Variants in AGBL5 observed in about 807,000 individuals in gnomAD.
AGBL5 encodes cytosolic carboxypeptidase-like protein 5.
In AGBL5, 51 loss-of-function variants were observed where a neutral mutation model predicts 88.0. The ratio of observed to expected loss-of-function variants is 0.58; its 90% CI spans 0.46 to 0.73. The LOEUF is 0.73. AGBL5 is among the 30% of genes least tolerant of loss of function. The pLI is 0.00. For synonymous variants in AGBL5, 446 were observed against 438.8 expected (o/e 1.02, Z -0.21); for missense variants, 1,031 against 1,162.2 (o/e 0.89, Z 1.64).
At position 27,058,217 on chromosome 2, in the gene AGBL5, G is replaced by A. The variant is rs142711767; in HGVS notation, c.1672-183G>A. Among the ~76,000 whole-genome samples, 208 of 152,346 alleles carry A rather than the reference G, an allele frequency of 1.4e-3. 2 individuals carry two copies. The highest frequency in any genetic ancestry group is 0.011 in the Admixed American group (167 of 15,306). Reference sequence around the variant, plus strand: ...ATGGAAGAGGGCCCCCAAATTGGCGGTAGTTTAGGGAACAGCTCCAAATCC... The same window carrying A: ...ATGGAAGAGGGCCCCCAAATTGGCGATAGTTTAGGGAACAGCTCCAAATCC... On this transcript the variant is annotated intron_variant, in intron 9 of 14. Transcript: ENST00000360131.
At position 27,054,024 on chromosome 2, in the gene AGBL5, C is replaced by G. The variant is rs780288772; in HGVS notation, c.516C>G (p.Asp172Glu). The G allele has an allele frequency of 6.2e-7, 1 of 1,614,024 alleles. No homozygotes were observed. The highest frequency in any genetic ancestry group is 8.5e-7 in the Non-Finnish European group (1 of 1,179,950). ...GCCAGGAACTGCTAAACCAGCTAGACCAGCGCTTTCCGGAGAACCACCCTA... is the reference window on the plus strand; with the variant it reads ...GCCAGGAACTGCTAAACCAGCTAGAGCAGCGCTTTCCGGAGAACCACCCTA... ...SDCQELLNQLDQRFPENHPTH... is the reference protein window; with the variant it reads ...SDCQELLNQLEQRFPENHPTH... The change falls in exon 4 of 15, where the codon GAC becomes GAG. Residue 172 changes from aspartate (D) to glutamate (E), a missense_variant. By Grantham distance (45) the Asp-to-Glu change is conservative. Around this residue, in one of 2 missense-constraint regions of AGBL5, gnomAD observed 540 missense variants for 678.2 expected, o/e 0.80. Transcript: ENST00000360131.
chr2:27,054,571 G>A (rs1668333036), intron 4 of AGBL5, 59 bp from the exon 5 acceptor site: 4 of 1,532,510 alleles, frequency 2.6e-6, no homozygotes, highest in Non-Finnish European at 3.6e-6. Context: ...TGGTGACAAG[G>A]CCTACCTCTT....
At chr2:27,066,735 A>G (rs1358693498) in intron 11 of AGBL5, among the ~76,000 whole-genome samples, 1 of 152,024 alleles carries the variant, frequency 6.6e-6, no homozygotes, top group Non-Finnish European at 1.5e-5. Context: ...TCTTGAGCCT[A>G]GGAGTTCAAG....
In AGBL5 at chr2:27,055,730, T is replaced by C; in HGVS notation, c.957T>C (p.Asp319=). 1 of 1,614,188 alleles carries C rather than the reference T, an allele frequency of 6.2e-7. No homozygotes were observed. The highest frequency in any genetic ancestry group is 1.1e-5 in the South Asian group (1 of 91,084). Residue 319 remains aspartate (D), a synonymous_variant, in exon 7 of 15, where the codon GAT becomes GAC. Coordinates refer to ENST00000360131, the MANE Select transcript of AGBL5 (RefSeq NM_021831.6). The part of the protein sequence containing the change: ...VNLNRQYLKP[D]AVLHPAIYGA... The stretch of plus-strand genomic sequence containing the variant: ...TGAACCGTCAGTACCTGAAGCCTGA[T>C]GCCGTCCTGCACCCGGCCATCTATG...
At chr2:27,066,801 C>T (rs1669008591) in intron 11 of AGBL5, among the ~76,000 whole-genome samples, 7 of 151,836 alleles carry the variant, frequency 4.6e-5, no homozygotes, top group Admixed American at 4.6e-4. Flanking sequence ...AAAATTTAGG[C>T]TGGGCGCGGT....
chr2:27,055,062 C>T lies in AGBL5; in HGVS notation c.730-13C>T. 6.2e-7 allele frequency: 1 copy of T among 1,612,644 alleles called. No homozygotes were observed. Among genetic ancestry groups the T allele is most frequent in the Non-Finnish European group, 8.5e-7 (1 of 1,178,702 alleles). On this transcript the variant is annotated splice_polypyrimidine_tract_variant and intron_variant, in intron 5 of 14. Coordinates refer to ENST00000360131, the MANE Select transcript of AGBL5 (RefSeq NM_021831.6). Reference sequence around the variant, plus strand: ...GGTAACTGACTTAATGTCTGCTCTCCTCTCTACCTCAGATATTCTTCTTAA... The same window carrying T: ...GGTAACTGACTTAATGTCTGCTCTCTTCTCTACCTCAGATATTCTTCTTAA...
chr2:27,056,847 G>A (rs955979998), intron 8 of AGBL5, 55 bp downstream of exon 8: 17 of 1,522,592 alleles, frequency 1.1e-5, no homozygotes, highest in South Asian at 2.5e-5. Context: ...AGAAAACACC[G>A]TAGCTGGGTG....
chr2:27,067,740 C>T (rs774181081), intron 12 of AGBL5, 94 bp downstream of exon 12: 11 of 1,357,642 alleles, frequency 8.1e-6, no homozygotes, highest in South Asian at 1.2e-5. Context: ...AGGGGCATCA[C>T]TTATCCTCTT....
intron 13 of AGBL5, chr2:27,069,050 C>G: frequency 7.3e-7 from 1 of 1,375,372 alleles, no homozygotes; most frequent in East Asian, 4.0e-5. Context: ...CTGCCCAGAC[C>G]TGTCCGAGGA....
At chr2:27,050,767 C>T (rs749991620), upstream of AGBL5, among the ~76,000 whole-genome samples, 14 of 152,128 alleles carry the variant, frequency 9.2e-5, no homozygotes, top group East Asian at 1.2e-3. Flanking sequence ...TCAGCAGCAT[C>T]TTATCGCAGC....
At chr2:27,066,552 C>T (rs770765966) in intron 11 of AGBL5, among the ~76,000 whole-genome samples, 3 of 152,132 alleles carry the variant, frequency 2.0e-5, no homozygotes, top group Admixed American at 1.3e-4. Flanking sequence ...GAAGACTTGA[C>T]ATTTAAGGGG....
chr2:27,056,816 T>C, intron 8 of AGBL5, 24 bp downstream of exon 8: 3 of 1,575,518 alleles, frequency 1.9e-6, no homozygotes, highest in Non-Finnish European at 2.6e-6. Context: ...TGAGATATAG[T>C]TGATGAAATA....
chr2:27,070,173 C>A lies in AGBL5; in HGVS notation c.2571C>A (p.Ser857=). Residue 857 remains serine, a synonymous_variant, in exon 15 of 15, where the codon TCC becomes TCA. Coordinates refer to ENST00000360131, the MANE Select transcript of AGBL5 (RefSeq NM_021831.6). ...PISCSLSDSP[S]WNCYSRGPLG... is the part of the protein sequence containing the mutation. ...CCTGTAGTCTATCTGACTCCCCATC[C>A]TGGAATTGTTACAGCAGGGGTCCCT... The A allele has an allele frequency of 6.2e-7, 1 of 1,614,238 alleles. No individual in the cohort carries two copies. The highest frequency in any genetic ancestry group is 8.5e-7 in the Non-Finnish European group (1 of 1,180,036).
At chr2:27,066,732 C>T (rs909962394) in intron 11 of AGBL5, among the ~76,000 whole-genome samples, 1 of 151,786 alleles carries the variant, frequency 6.6e-6, no homozygotes, top group African/African-American at 2.4e-5. Flanking sequence ...ATCTCTTGAG[C>T]CTAGGAGTTC....
At chr2:27,051,364 T>C (rs557884718), upstream of AGBL5, 2 of 152,252 alleles carry the variant, frequency 1.3e-5, no homozygotes, top group Non-Finnish European at 2.9e-5. Context: ...TGTTTCATTT[T>C]AGAGACACAA....
At chr2:27,051,836 C>A (rs1668161520) in intron 1 of AGBL5, 43 bp downstream of exon 1, 1 of 152,334 alleles carries the variant, frequency 6.6e-6, no homozygotes, top group Non-Finnish European at 1.5e-5. Context: ...CAGCCCCGGC[C>A]CCGCCAGCCC....
In AGBL5 at chr2:27,056,667, C is replaced by T; in HGVS notation, c.1410C>T (p.Ala470=). 6.2e-7 allele frequency: 1 copy of T among 1,613,242 alleles called. No individual in the cohort carries two copies. The highest frequency in any genetic ancestry group is 8.5e-7 in the Non-Finnish European group (1 of 1,179,402). The part of the protein sequence containing the change: ...LYPKLISLNS[A]HFDFQGCNFS... ...CAAAGCTCATCTCCTTGAATTCAGCCCACTTCGACTTCCAGGGCTGCAATT... is the reference window on the plus strand; with the variant it reads ...CAAAGCTCATCTCCTTGAATTCAGCTCACTTCGACTTCCAGGGCTGCAATT... Residue 470 remains alanine (A), a synonymous_variant, in exon 8 of 15, where the codon GCC becomes GCT. Transcript: ENST00000360131.
intron 8 of AGBL5, chr2:27,057,061 T>C: frequency 1.8e-6 from 1 of 557,104 alleles, no homozygotes; most frequent in Non-Finnish European, 3.1e-6. Context: ...ACCTTAGTCT[T>C]CTTAAAAGAG....
intron 11 of AGBL5, among the ~76,000 whole-genome samples, chr2:27,064,299 CTTT>C (rs3072663): frequency 1.4e-5 from 2 of 138,950 alleles, no homozygotes; most frequent in African/African-American, 2.6e-5. Context: ...TTGTTTTTGA[CTTT>C]TTTTTTTTTT....
Sources: allele counts gnomAD v4.1 joint callset (sites outside exome capture counted in the v4.1 genomes callset), GRCh38; gene constraint gnomAD v4.1.1; regional missense constraint gnomAD v4.1.1; transcripts MANE v1.5; gene names NCBI Gene and HGNC (gene_info 2026-07-23, HGNC 2026-07-21).